The following LRRC1 variants were observed in gnomAD, a reference collection of about 807,000 sequenced individuals.
LRRC1 encodes the protein leucine rich repeat containing 1.
A neutral mutation model predicts 69.9 loss-of-function variants in LRRC1; 28 were observed. That is an observed-to-expected ratio of 0.40 (90% CI 0.30 to 0.55). The LOEUF is 0.55. Ranked by LOEUF, LRRC1 falls within the 20% of genes least tolerant of loss-of-function variation. The probability of loss-of-function intolerance (pLI) is 0.47; values close to 1 mark genes in which losing one functional copy is unlikely to be tolerated. For synonymous variants in LRRC1, 236 were observed against 240.2 expected (o/e 0.98, Z 0.16); for missense variants, 498 against 609.0 (o/e 0.82, Z 1.92).
intron 1 of LRRC1, among the ~76,000 whole-genome samples, chr6:53,819,625 ACT>A (rs1464202549): frequency 5.3e-5 from 8 of 151,878 alleles, no homozygotes; most frequent in East Asian, 1.9e-4. Flanking sequence ...CACATTGGAG[ACT>A]CTATATGTAT....
chr6:53,909,395 A>AAG (rs1465897650), intron 10 of LRRC1, among the ~76,000 whole-genome samples: 6 of 152,182 alleles, frequency 3.9e-5, no homozygotes, highest in Non-Finnish European at 1.5e-5. Flanking sequence ...GAAGGAAATA[A>AAG]CTATGTGGTC....
intron 2 of LRRC1, among the ~76,000 whole-genome samples, chr6:53,872,433 C>G (rs1180627393): frequency 6.6e-6 from 1 of 152,144 alleles, no homozygotes; most frequent in East Asian, 1.9e-4. Context: ...TTTCACTGGT[C>G]TATGTATCAG....
intron 2 of LRRC1, among the ~76,000 whole-genome samples, chr6:53,844,328 T>C (rs1260468779): frequency 6.6e-6 from 1 of 152,172 alleles, no homozygotes. Context: ...GGATTAGAAA[T>C]AAACAGAAAT....
chr6:53,889,535 A>G (rs1228819331), intron 4 of LRRC1, among the ~76,000 whole-genome samples: 1 of 151,938 alleles, frequency 6.6e-6, no homozygotes, highest in Non-Finnish European at 1.5e-5. Context: ...TAAAAGAACC[A>G]GACACAAACA....
At chr6:53,891,250 A>G (rs1042208656) in intron 4 of LRRC1, among the ~76,000 whole-genome samples, 5 of 152,146 alleles carry the variant, frequency 3.3e-5, no homozygotes, top group African/African-American at 1.2e-4. Context: ...GGAGGATAGA[A>G]AGTCATGTTT....
intron 2 of LRRC1, among the ~76,000 whole-genome samples, chr6:53,864,428 C>T (rs988523668): frequency 7.2e-5 from 11 of 152,156 alleles, no homozygotes; most frequent in African/African-American, 2.7e-4. Flanking sequence ...GCATTTTTGA[C>T]TCCTGCAATG....
At chr6:53,878,172 C>A (rs1336497735) in intron 2 of LRRC1, among the ~76,000 whole-genome samples, 1 of 152,046 alleles carries the variant, frequency 6.6e-6, no homozygotes, top group Non-Finnish European at 1.5e-5. Flanking sequence ...AAGACCTGCC[C>A]CCATGATTCA....
intron 1 of LRRC1, among the ~76,000 whole-genome samples, chr6:53,799,292 A>G (rs1447780948): frequency 1.3e-5 from 2 of 152,134 alleles, no homozygotes; most frequent in African/African-American, 2.4e-5. Context: ...TCCAGACCAT[A>G]TATTTGCTTT....
Position 53,795,316 on chromosome 6 carries a change from C to T in LRRC1, c.60C>T (p.Arg20=). ...CNRHVESIDK[R]HCSLVYVPEE... ...GTCATGTGGAGAGCATCGACAAGCGCCACTGCTCGCTGGTCTACGTCCCCG... is the reference window on the plus strand; with the variant it reads ...GTCATGTGGAGAGCATCGACAAGCGTCACTGCTCGCTGGTCTACGTCCCCG... Residue 20 remains arginine, a synonymous_variant, in exon 1 of 14, where the codon CGC becomes CGT. Coordinates refer to ENST00000370888, the MANE Select transcript of LRRC1 (RefSeq NM_018214.5). The T allele has an allele frequency of 6.2e-7, 1 of 1,613,504 alleles. No homozygotes were observed. The highest frequency in any genetic ancestry group is 1.7e-5 in the Admixed American group (1 of 60,012).
At chr6:53,830,056 G>A (rs1400992822) in intron 1 of LRRC1, among the ~76,000 whole-genome samples, 1 of 152,234 alleles carries the variant, frequency 6.6e-6, no homozygotes, top group Non-Finnish European at 1.5e-5. Context: ...TGTATTTTAA[G>A]AGCTGAGCTG....
At chr6:53,828,494 C>G (rs4612163) in intron 1 of LRRC1, among the ~76,000 whole-genome samples, 56,497 of 152,108 alleles carry the variant, frequency 0.37, 10,963 homozygotes, top group East Asian at 0.64. Context: ...ACCCTGTGTT[C>G]CTTTTGTGCA....
Position 53,890,860 on chromosome 6 carries a change from G to A in LRRC1, c.447-5638G>A, listed in dbSNP as rs1767656359. The stretch of plus-strand genomic sequence containing the variant: ...TGTTTTATATATTAATGGGTTTACA[G>A]TGAACTGCCACTTGTTTGTTTGGTC... On this transcript the variant is annotated intron_variant, in intron 4 of 13. Transcript: ENST00000370888. Among the ~76,000 whole-genome samples, 4 of 152,212 alleles carry A rather than the reference G, an allele frequency of 2.6e-5. No homozygotes were observed. The South Asian group carries it at 8.3e-4, about 32-fold the overall frequency.
intron 2 of LRRC1, among the ~76,000 whole-genome samples, chr6:53,844,548 C>T (rs1055969634): frequency 6.6e-6 from 1 of 152,184 alleles, no homozygotes; most frequent in Non-Finnish European, 1.5e-5. Context: ...CCGTGTGTCC[C>T]CTTACCTTCC....
intron 3 of LRRC1, among the ~76,000 whole-genome samples, chr6:53,880,396 C>G (rs979261445): frequency 2.0e-5 from 3 of 152,160 alleles, no homozygotes; most frequent in Non-Finnish European, 1.5e-5. Flanking sequence ...TTCTATAGCT[C>G]CCATCTCTAT....
At chr6:53,855,152 G>C (rs1454396007) in intron 2 of LRRC1, among the ~76,000 whole-genome samples, 5 of 152,182 alleles carry the variant, frequency 3.3e-5, no homozygotes, top group African/African-American at 4.8e-5. Flanking sequence ...GCAGAGGCAG[G>C]CCAAACAAAT....
rs1404033865 is a variant in LRRC1, at chr6:53,803,200, A to C, written c.159+7785A>C. On this transcript the variant is annotated intron_variant, in intron 1 of 13. Coordinates refer to ENST00000370888, the MANE Select transcript of LRRC1 (RefSeq NM_018214.5). ...AAGCCACTCTTGAGATTTACACAAG[A>C]GTATCAGAAATAGCAGTGTAAACAT... 2.6e-5 allele frequency among the ~76,000 whole-genome samples: 4 copies of C among 152,228 alleles called. No homozygotes were observed. The East Asian group carries it at 7.7e-4, about 29-fold the overall frequency.
chr6:53,911,712 G>C (rs946477630), intron 10 of LRRC1, among the ~76,000 whole-genome samples: 1 of 152,198 alleles, frequency 6.6e-6, no homozygotes, highest in Non-Finnish European at 1.5e-5. Context: ...CTGGAGCAGG[G>C]ATGCGGCAAG....
intron 11 of LRRC1, among the ~76,000 whole-genome samples, chr6:53,916,705 C>T (rs1241739592): frequency 6.6e-6 from 1 of 152,048 alleles, no homozygotes; most frequent in East Asian, 1.9e-4. Flanking sequence ...TTGCTTAAAA[C>T]TAAAAATTCT....
intron 1 of LRRC1, among the ~76,000 whole-genome samples, chr6:53,830,958 A>G (rs758178854): frequency 7.0e-6 from 1 of 143,776 alleles, no homozygotes; most frequent in African/African-American, 2.5e-5. Flanking sequence ...TTATATATAT[A>G]TATAATATAT....
Sources: allele counts gnomAD v4.1 joint callset (sites outside exome capture counted in the v4.1 genomes callset), GRCh38; gene constraint gnomAD v4.1.1; transcripts MANE v1.5; gene names NCBI Gene and HGNC (gene_info 2026-07-23, HGNC 2026-07-21).